The following HEATR5A variants were observed in gnomAD, a reference collection of about 807,000 sequenced individuals.
HEATR5A encodes the protein HEAT repeat-containing protein 5A.
In HEATR5A, 178 loss-of-function variants were observed where a neutral mutation model predicts 218.8. That is an observed-to-expected ratio of 0.81 (90% CI 0.72 to 0.92). HEATR5A has a LOEUF of 0.92. HEATR5A is among the 40% of genes least tolerant of loss of function. The pLI is 0.00. For missense variants in HEATR5A, 2,420 were observed against 2,418.9 expected (o/e 1.00, Z -0.01); for synonymous variants, 864 against 871.6 (o/e 0.99, Z 0.15).
At chr14:31,413,428 G>A (rs946887532) in intron 1 of HEATR5A, among the ~76,000 whole-genome samples, 1 of 150,718 alleles carries the variant, frequency 6.6e-6, no homozygotes, top group Non-Finnish European at 1.5e-5. Flanking sequence ...TTATTGTAAG[G>A]AATGAGAAAA....
At chr14:31,415,993 C>A (rs997920712) in intron 1 of HEATR5A, among the ~76,000 whole-genome samples, 1 of 151,776 alleles carries the variant, frequency 6.6e-6, no homozygotes, top group Non-Finnish European at 1.5e-5. Flanking sequence ...ATCTGTCGCC[C>A]AGGCTGGAGT....
At chr14:31,374,632 TATAAC>T (rs1902160612) in intron 12 of HEATR5A, among the ~76,000 whole-genome samples, 179 bp downstream of exon 12, 1 of 152,194 alleles carries the variant, frequency 6.6e-6, no homozygotes, top group African/African-American at 2.4e-5. Context: ...TCTGGTTTAT[TATAAC>T]ATACACCAGT....
Position 31,394,814 on chromosome 14 carries a change from A to C in HEATR5A, c.597+385T>G, listed in dbSNP as rs553453789. Among the ~76,000 whole-genome samples the C allele has an allele frequency of 1.4e-4, 22 of 152,288 alleles. No homozygotes were observed. The South Asian group carries it at 2.5e-3, about 17-fold the overall frequency. ...GCCTGGGCGACAGAGTCTCAAAAAA[A>C]AGAACAAACAAAAAAACTTTACTGT... On this transcript the variant is annotated intron_variant, in intron 5 of 35. Transcript: ENST00000543095.
rs755278426 is a variant in HEATR5A at position 31,293,353 on chromosome 14, C to CTT, written c.6091_6092dup (p.Ser2032ArgfsTer11). Reference sequence around the variant, plus strand: ...GGATGCTTGAGTTTTTTCCAGGACTCTTAGTATATTTAGATGTTGGTATCT... The same window carrying CTT: ...GGATGCTTGAGTTTTTTCCAGGACTCTTTTAGTATATTTAGATGTTGGTATCT... On this transcript the variant is annotated frameshift_variant, in exon 36 of 36. Transcript: ENST00000543095. LOFTEE classifies it high-confidence loss of function. The CTT allele has an allele frequency of 1.2e-6, 2 of 1,609,340 alleles. No homozygotes were observed. The highest frequency in any genetic ancestry group is 1.7e-6 in the Non-Finnish European group (2 of 1,178,642).
In HEATR5A at chr14:31,371,873, A is replaced by G. The variant is rs143089927; in HGVS notation, c.1898T>C (p.Leu633Pro). The G allele has an allele frequency of 5.2e-5, 80 of 1,552,266 alleles. No individual in the cohort carries two copies. The African/African-American group carries it at 9.8e-4, about 19-fold the overall frequency. The change falls in exon 13 of 36, where the codon CTT (leucine) becomes CCT (proline). Residue 633 changes from leucine to proline, a missense_variant. Transcript: ENST00000543095. Reference sequence around the variant, plus strand: ...AAGACGCTGAGTTACTTCCTCAGTAAGAAGATCACCACAGTGGGAAACAAA... The same window carrying G: ...AAGACGCTGAGTTACTTCCTCAGTAGGAAGATCACCACAGTGGGAAACAAA... ...KSFVSHCGDL[L>P]TEEVTQRLLP...
intron 16 of HEATR5A, among the ~76,000 whole-genome samples, chr14:31,351,928 T>C (rs1299678089): frequency 1.3e-5 from 2 of 152,178 alleles, no homozygotes; most frequent in African/African-American, 2.4e-5. Flanking sequence ...TTTCTTCTTT[T>C]ATAATGTTTG....
intron 11 of HEATR5A, among the ~76,000 whole-genome samples, chr14:31,378,003 C>T (rs1005291057): frequency 1.3e-5 from 2 of 152,122 alleles, no homozygotes; most frequent in Admixed American, 1.3e-4. Context: ...GTTTTAAAAG[C>T]TCTTGTTTAT....
chr14:31,320,386 C>G, intron 25 of HEATR5A: 2 of 1,010,248 alleles, frequency 2.0e-6, no homozygotes, highest in East Asian at 4.8e-5. Context: ...CAATGCCAGC[C>G]CCTGAATCAG....
At chr14:31,366,083 T>A (rs977754906) in intron 13 of HEATR5A, among the ~76,000 whole-genome samples, 3 of 152,184 alleles carry the variant, frequency 2.0e-5, no homozygotes, top group Non-Finnish European at 2.9e-5. Flanking sequence ...ATCTTTCAGC[T>A]TGGTAAATAC....
chr14:31,336,207 TACATACATAC>T (rs1566759001), intron 22 of HEATR5A, among the ~76,000 whole-genome samples: 8 of 12,088 alleles, frequency 6.6e-4, no homozygotes, highest in Admixed American at 2.7e-3. Context: ...TTTTTATATA[TACATACATAC>T]ATATATATAT....
At chr14:31,349,741 C>G (rs780618346) in intron 18 of HEATR5A, 48 bp downstream of exon 18, 3 of 1,281,660 alleles carry the variant, frequency 2.3e-6, no homozygotes, top group Non-Finnish European at 3.4e-6. Context: ...AAAGCTATAC[C>G]CAGTTTTGAA....
At chr14:31,305,285 CAG>C in intron 31 of HEATR5A, 108 bp from the exon 32 acceptor site, 5 of 1,156,042 alleles carry the variant, frequency 4.3e-6, no homozygotes, top group South Asian at 1.4e-5. Context: ...TTTTTTGAGA[CAG>C]AGTCTCGCTC....
chr14:31,344,985 C>T, intron 20 of HEATR5A, 102 bp downstream of exon 20: 1 of 916,364 alleles, frequency 1.1e-6, no homozygotes, highest in Non-Finnish European at 1.7e-6. Context: ...TTTAACAAAA[C>T]ATACAGCACC....
intron 1 of HEATR5A, among the ~76,000 whole-genome samples, chr14:31,417,978 C>T (rs4981847): frequency 0.95 from 144,904 of 152,152 alleles, 69,346 homozygotes; most frequent in Non-Finnish European, 1. Flanking sequence ...GAGGCCGAGG[C>T]GGGCGGATCA....
intron 16 of HEATR5A, among the ~76,000 whole-genome samples, chr14:31,355,209 T>C (rs1485966081): frequency 7.0e-6 from 1 of 142,860 alleles, no homozygotes; most frequent in East Asian, 2.1e-4. Flanking sequence ...AGGTCAGGAG[T>C]TCAAGAACAG....
intron 2 of HEATR5A, among the ~76,000 whole-genome samples, chr14:31,402,358 T>C (rs1236726346): frequency 1.3e-5 from 2 of 152,212 alleles, no homozygotes. Flanking sequence ...TTGCTGAATG[T>C]AGGTGAAGGG....
Position 31,364,206 on chromosome 14 carries a change from G to C in HEATR5A, c.2054C>G (p.Pro685Arg), listed in dbSNP as rs764214173. Residue 685 changes from proline (P) to arginine (R), a missense_variant, in exon 14 of 36, where the codon CCT becomes CGT. Transcript: ENST00000543095. The stretch of plus-strand genomic sequence containing the variant: ...GCACATACCTTCATAGGTCTCAGGA[G>C]GTAATAAAATCAACAGTTCATAAAG... ...QRLYELLILL[P>R]PETYEGNLCA... 5 of 1,520,802 alleles carry C rather than the reference G, an allele frequency of 3.3e-6. No homozygotes were observed. The African/African-American group carries it at 6.9e-5, about 21-fold the overall frequency. The allele number at this position is 1,520,802 out of a possible 1,614,324, so 94.2% of individuals were successfully genotyped here.
intron 33 of HEATR5A, among the ~76,000 whole-genome samples, chr14:31,299,793 G>A (rs1254973026): frequency 6.6e-6 from 1 of 151,460 alleles, no homozygotes; most frequent in Non-Finnish European, 1.5e-5. Flanking sequence ...AGCACTTTGG[G>A]AGGCTGAGGC....
intron 8 of HEATR5A, 36 bp from the exon 9 acceptor site, chr14:31,386,611 CT>C: frequency 6.5e-7 from 1 of 1,528,520 alleles, no homozygotes; most frequent in Middle Eastern, 1.8e-4. Context: ...TGCATAACCA[CT>C]GTATTAAAAT....
Sources: gnomAD v4.1 joint callset for allele counts (sites outside exome capture counted in the v4.1 genomes callset) on GRCh38, gnomAD v4.1.1 for gene constraint, MANE v1.5 for transcripts, NCBI Gene and HGNC (gene_info 2026-07-23, HGNC 2026-07-21) for gene names.